PLS1: variants seen among roughly 807,000 people sequenced by gnomAD.
PLS1 encodes the protein plastin-1.
Under a neutral mutation model 73.7 loss-of-function variants are expected in PLS1, and 32 were observed. The observed-to-expected ratio is 0.43, with a 90% CI of 0.33 to 0.58. The LOEUF (loss-of-function observed/expected upper bound fraction) is 0.58. Ranked by LOEUF, PLS1 falls within the 20% of genes least tolerant of loss-of-function variation. The probability of loss-of-function intolerance (pLI) is 0.04; values close to 1 mark genes in which losing one functional copy is unlikely to be tolerated. For synonymous variants in PLS1, 217 were observed against 261.3 expected, an observed-to-expected ratio of 0.83 and a Z score of 1.63; for missense variants, 633 against 740.5, an observed-to-expected ratio of 0.85 and a Z score of 1.68.
At chr3:142,699,349 C>T (rs1227509868) in intron 12 of PLS1, among the ~76,000 whole-genome samples, 7 of 152,122 alleles carry the variant, frequency 4.6e-5, no homozygotes, top group African/African-American at 1.7e-4. Context: ...ATCCCAGCTA[C>T]TCGGGAGGCT....
At chr3:142,627,654 A>G (rs2036457599) in intron 1 of PLS1, among the ~76,000 whole-genome samples, 1 of 152,074 alleles carries the variant, frequency 6.6e-6, no homozygotes, top group Non-Finnish European at 1.5e-5. Context: ...CTTTTGAGAC[A>G]GTGTCTCGCT....
intron 1 of PLS1, among the ~76,000 whole-genome samples, chr3:142,605,234 GCTTT>G (rs1275149555): frequency 6.6e-6 from 1 of 152,160 alleles, no homozygotes; most frequent in Non-Finnish European, 1.5e-5. Context: ...GTTTAAAAAA[GCTTT>G]CTGATTTTAC....
chr3:142,646,275 T>A (rs1254057104), intron 1 of PLS1, among the ~76,000 whole-genome samples: 1 of 152,166 alleles, frequency 6.6e-6, no homozygotes, highest in African/African-American at 2.4e-5. Flanking sequence ...GGACTGCCAC[T>A]GTGTATGAGG....
At chr3:142,600,896 ATATATATATATATATATATATT>A (rs2035904492) in intron 1 of PLS1, among the ~76,000 whole-genome samples, 2 of 26,902 alleles carry the variant, frequency 7.4e-5, no homozygotes, top group Admixed American at 4.7e-4. Context: ...ATATATATAT[ATATATATATATATATATATATT>A]TTTTTTTTTT....
In PLS1 at chr3:142,704,552, G is replaced by C; in HGVS notation, c.1595G>C (p.Ser532Thr). 6.4e-7 allele frequency: 1 copy of C among 1,573,058 alleles called. No individual in the cohort carries two copies. Among genetic ancestry groups the C allele is most frequent in the Non-Finnish European group, 8.6e-7 (1 of 1,157,138 alleles). The change falls in exon 14 of 16, where the codon AGT (serine) becomes ACT (threonine). Residue 532 changes from serine (S) to threonine (T), a missense_variant. Physicochemically the swap from Ser to Thr is moderately conservative, Grantham distance 58 (BLOSUM62 1). Coordinates refer to ENST00000457734, the MANE Select transcript of PLS1 (RefSeq NM_001145319.2). The part of the protein sequence containing the change: ...IIKWVNQTLK[S>T]ANKKTSISSF... Reference sequence around the variant, plus strand: ...AAATGGGTCAATCAGACTCTTAAAAGTGCAAACAAAAAGACTTCTATTTCC... The same window carrying C: ...AAATGGGTCAATCAGACTCTTAAAACTGCAAACAAAAAGACTTCTATTTCC...
At chr3:142,679,592 G>A (rs996554402) in intron 6 of PLS1, among the ~76,000 whole-genome samples, 435 of 152,140 alleles carry the variant, frequency 2.9e-3, no homozygotes, top group African/African-American at 9.7e-3. Flanking sequence ...GTAGATATGC[G>A]GCGTTATTTC....
chr3:142,669,118 C>T (rs2037545638), intron 2 of PLS1, among the ~76,000 whole-genome samples: 1 of 152,126 alleles, frequency 6.6e-6, no homozygotes, highest in African/African-American at 2.4e-5. Flanking sequence ...GCGATCATAG[C>T]TCACTACAGC....
intron 4 of PLS1, among the ~76,000 whole-genome samples, chr3:142,672,670 T>C (rs2037630331): frequency 6.6e-6 from 1 of 152,160 alleles, no homozygotes; most frequent in African/African-American, 2.4e-5. Context: ...AGTATATGGC[T>C]TGATGATTTC....
At chr3:142,704,636 T>C (rs13096261) in intron 14 of PLS1, 50 bp downstream of exon 14, 1 of 63,598 alleles carries the variant, frequency 1.6e-5, no homozygotes, top group Non-Finnish European at 2.9e-5. Flanking sequence ...TAGGAAGGAA[T>C]TTTTTTTTTT....
At chr3:142,641,334 GTCATTGTTGGAAATAT>G (rs2036835873) in intron 1 of PLS1, among the ~76,000 whole-genome samples, 1 of 145,376 alleles carries the variant, frequency 6.9e-6, no homozygotes, top group South Asian at 2.1e-4. Context: ...GTAATATTTG[GTCATTGTTGGAAATAT>G]ACAAGTATAT....
At chr3:142,607,455 T>G (rs1328125662) in intron 1 of PLS1, among the ~76,000 whole-genome samples, 1 of 152,188 alleles carries the variant, frequency 6.6e-6, no homozygotes, top group Non-Finnish European at 1.5e-5. Flanking sequence ...TTTTGTATTT[T>G]TAGTAGAGAC....
intron 4 of PLS1, among the ~76,000 whole-genome samples, chr3:142,675,856 A>G (rs1007457410): frequency 6.6e-6 from 1 of 151,586 alleles, no homozygotes; most frequent in East Asian, 1.9e-4. Context: ...TGTATTTTCA[A>G]TAGAGACGGG....
intron 15 of PLS1, 59 bp downstream of exon 15, chr3:142,711,684 A>G (rs1933135630): frequency 1.4e-6 from 2 of 1,461,096 alleles, no homozygotes; most frequent in African/African-American, 1.4e-5. Flanking sequence ...AAATCCTTAT[A>G]GGAAAAGTTA....
At chr3:142,681,137 TC>T (rs1334241525) in intron 6 of PLS1, among the ~76,000 whole-genome samples, 1 of 152,176 alleles carries the variant, frequency 6.6e-6, no homozygotes, top group Non-Finnish European at 1.5e-5. Context: ...GCCTCTCAGA[TC>T]CACTCTGTGG....
At chr3:142,652,680 G>A (rs902499774) in intron 1 of PLS1, among the ~76,000 whole-genome samples, 8 of 152,162 alleles carry the variant, frequency 5.3e-5, no homozygotes, top group Non-Finnish European at 1.0e-4. Context: ...GAAGTGTTTG[G>A]GTTTCAAAAC....
chr3:142,700,786 T>C (rs1340474356), intron 12 of PLS1, among the ~76,000 whole-genome samples: 1 of 152,254 alleles, frequency 6.6e-6, no homozygotes, highest in Non-Finnish European at 1.5e-5. Context: ...TCTTGAATTG[T>C]ACTCCCATAT....
intron 2 of PLS1, among the ~76,000 whole-genome samples, chr3:142,668,994 T>A (rs2037541606): frequency 6.6e-6 from 1 of 152,194 alleles, no homozygotes; most frequent in African/African-American, 2.4e-5. Flanking sequence ...ATGGTGGCCC[T>A]AAATCTATGG....
intron 10 of PLS1, among the ~76,000 whole-genome samples, chr3:142,691,146 T>A (rs1246132705): frequency 2.0e-5 from 3 of 152,140 alleles, no homozygotes; most frequent in Non-Finnish European, 4.4e-5. Flanking sequence ...AGTGTCCTTG[T>A]CACCTCATAA....
At chr3:142,662,803 G>T (rs2037399253) in intron 1 of PLS1, among the ~76,000 whole-genome samples, 2 of 152,166 alleles carry the variant, frequency 1.3e-5, no homozygotes, top group South Asian at 4.1e-4. Context: ...GTATTATGTT[G>T]ATGAACAACA....
Sources: allele counts gnomAD v4.1 joint callset (sites outside exome capture counted in the v4.1 genomes callset), GRCh38; gene constraint gnomAD v4.1.1; transcripts MANE v1.5; gene names NCBI Gene and HGNC (gene_info 2026-07-23, HGNC 2026-07-21).